The following PNPLA3 variants were observed in gnomAD, a reference collection of about 807,000 sequenced individuals.
PNPLA3 encodes the protein patatin like domain 3, 1-acylglycerol-3-phosphate O-acyltransferase, also known as 1-acylglycerol-3-phosphate O-acyltransferase PNPLA3.
A neutral mutation model predicts 43.1 loss-of-function variants in PNPLA3; 42 were observed. The observed-to-expected ratio is 0.97, with a 90% CI of 0.76 to 1.26. The LOEUF is 1.26. PNPLA3 is among the 50% of genes most tolerant of loss of function. The pLI is 0.00. For synonymous variants in PNPLA3, 272 were observed against 253.6 expected (o/e 1.07, Z -0.69); for missense variants, 647 against 621.4 (o/e 1.04, Z -0.44).
At chr22:43,929,636 G>T (rs12485100) in intron 3 of PNPLA3, among the ~76,000 whole-genome samples, 25,101 of 136,328 alleles carry the variant, frequency 0.18, 2,852 homozygotes, top group East Asian at 0.38. Context: ...TGGCTCTGTC[G>T]CCCAGGCTGG....
chr22:43,946,919 T>C lies in PNPLA3; in HGVS notation c.*537T>C. On this transcript the variant is annotated 3_prime_UTR_variant, in exon 9 of 9. Transcript: ENST00000216180. Reference sequence around the variant, plus strand: ...CGTCTCCATGGCGGGGGTAACAAGATGATAATCTACTTAATTTTAGAACAC... The same window carrying C: ...CGTCTCCATGGCGGGGGTAACAAGACGATAATCTACTTAATTTTAGAACAC... 1 of 326,360 alleles carries C rather than the reference T, an allele frequency of 3.1e-6. No homozygotes were observed. The highest frequency in any genetic ancestry group is 6.0e-6 in the Non-Finnish European group (1 of 166,014). 20.2% of individuals were successfully genotyped at this position (326,360 alleles called of 1,614,324 possible).
At chr22:43,927,652 CT>C (rs960713506) in intron 2 of PNPLA3, among the ~76,000 whole-genome samples, 1 of 24,958 alleles carries the variant, frequency 4.0e-5, no homozygotes, top group Non-Finnish European at 7.8e-5. Flanking sequence ...CTTTTTATCT[CT>C]TTTTTTTGGG....
chr22:43,938,543 G>A (rs981530433), intron 6 of PNPLA3, among the ~76,000 whole-genome samples: 4 of 152,296 alleles, frequency 2.6e-5, no homozygotes, highest in Admixed American at 1.3e-4. Flanking sequence ...AGGAGTGAGA[G>A]AGAGAGGGAA....
chr22:43,942,301 G>A lies in PNPLA3; in HGVS notation c.1112+2176G>A, dbSNP rs913552980. On this transcript the variant is annotated intron_variant, in intron 7 of 8. Coordinates refer to ENST00000216180, the MANE Select transcript of PNPLA3 (RefSeq NM_025225.3). ...CTTCATTTTTCTTGGCTTTTCCCTG[G>A]TTTTTCTGGAGCAGAGTCTCTAGTA... Among the ~76,000 whole-genome samples, 23 of 152,240 alleles carry A rather than the reference G, an allele frequency of 1.5e-4. 1 individual carries two copies. In the South Asian group the frequency reaches 1.7e-3, roughly 11 times the overall value.
chr22:43,941,641 T>A (rs1009670109), intron 7 of PNPLA3, among the ~76,000 whole-genome samples: 17 of 152,174 alleles, frequency 1.1e-4, no homozygotes, highest in South Asian at 6.2e-4. Flanking sequence ...AGATAAAAGG[T>A]ATGGGCATTA....
intron 3 of PNPLA3, among the ~76,000 whole-genome samples, chr22:43,929,677 A>T (rs1344739666): frequency 6.9e-6 from 1 of 145,872 alleles, no homozygotes; most frequent in Non-Finnish European, 1.5e-5. Flanking sequence ...GCTCACTGCA[A>T]CCTCCACCTC....
At position 43,933,051 on chromosome 22, in the gene PNPLA3, C is replaced by T. The variant is rs1569011845; in HGVS notation, c.660C>T (p.Tyr220=). Residue 220 remains tyrosine (Y), a synonymous_variant, in exon 4 of 9, where the codon TAC becomes TAT. Coordinates refer to ENST00000216180, the MANE Select transcript of PNPLA3 (RefSeq NM_025225.3). ...TACGCCTCTGCACAGGGAACCTCTA[C>T]CTTCTCTCGAGAGCTTTTGTCCCCC... is the stretch of plus-strand genomic sequence containing the variant. ...LSLRLCTGNL[Y]LLSRAFVPPD... 6.2e-7 allele frequency: 1 copy of T among 1,614,106 alleles called. No individual in the cohort carries two copies. Among genetic ancestry groups the T allele is most frequent in the Admixed American group, 1.7e-5 (1 of 60,012 alleles).
rs149225953 is a variant in PNPLA3, at chr22:43,932,808, G to T, written c.487-70G>T. On this transcript the variant is annotated intron_variant, in intron 3 of 8. Transcript: ENST00000216180. ...TGAGAAGCTCTGCCCACATGTGAAA[G>T]CTTGTTAAGCACTTAAGCACTAACC... is the stretch of plus-strand genomic sequence containing the variant. The T allele has an allele frequency of 6.2e-4, 885 of 1,417,964 alleles. 6 individuals carry two copies. The African/African-American group carries it at 0.011, about 18-fold the overall frequency. 87.8% of individuals were successfully genotyped at this position (1,417,964 alleles called of 1,614,324 possible). A position where few individuals can be genotyped will look rare whatever the true frequency, so the allele number is the denominator to read the frequency against.
intron 3 of PNPLA3, 116 bp from the exon 4 acceptor site, chr22:43,932,762 A>G (rs757926548): frequency 3.5e-6 from 3 of 865,536 alleles, no homozygotes; most frequent in Non-Finnish European, 3.8e-6. Context: ...TCCTCCCTCC[A>G]TATCAGCCTG....
chr22:43,945,151 C>G (rs1214462177), intron 8 of PNPLA3, among the ~76,000 whole-genome samples: 2 of 152,178 alleles, frequency 1.3e-5, no homozygotes, highest in African/African-American at 4.8e-5. Context: ...GCTGGCGTGT[C>G]TGAGCGAAGG....
Position 43,936,494 on chromosome 22 carries a change from G to A in PNPLA3, c.758-557G>A, listed in dbSNP as rs79114928. Among the ~76,000 whole-genome samples, 10 of 152,302 alleles carry A rather than the reference G, an allele frequency of 6.6e-5. No individual in the cohort carries two copies. The South Asian group carries it at 1.2e-3, about 19-fold the overall frequency. On this transcript the variant is annotated intron_variant, in intron 5 of 8. Transcript: ENST00000216180. ...GCTGAGTCCCAGCACCCAGGACAGG[G>A]CCTGGCACATACTGGTGCCCAATCC...
At chr22:43,942,701 C>CT (rs398037291) in intron 7 of PNPLA3, among the ~76,000 whole-genome samples, 2,908 of 113,618 alleles carry the variant, frequency 0.026, 73 homozygotes, top group East Asian at 0.041. Flanking sequence ...TTTCTTTTTT[C>CT]TTTTTTTTTT....
chr22:43,932,847 A>G (rs1454732773), intron 3 of PNPLA3, 31 bp from the exon 4 acceptor site: 1 of 1,600,686 alleles, frequency 6.2e-7, no homozygotes, highest in East Asian at 2.2e-5. Flanking sequence ...AGCTTCAGAC[A>G]GTGCCAGTCC....
chr22:43,927,660 T>TTGTGTGGG (rs2049933420), intron 2 of PNPLA3, among the ~76,000 whole-genome samples: 1 of 20,250 alleles, frequency 4.9e-5, no homozygotes, highest in African/African-American at 1.8e-4. Context: ...CTCTTTTTTT[T>TTGTGTGGG]GGGTGGGGGG....
chr22:43,928,484 C>T (rs1173659944), intron 2 of PNPLA3, among the ~76,000 whole-genome samples: 4 of 152,010 alleles, frequency 2.6e-5, no homozygotes, highest in East Asian at 1.9e-4. Flanking sequence ...TAATGAATAC[C>T]GGCATTTGAA....
intron 7 of PNPLA3, among the ~76,000 whole-genome samples, chr22:43,942,986 G>C (rs572022849): frequency 2.6e-5 from 4 of 152,018 alleles, no homozygotes; most frequent in Admixed American, 2.0e-4. Context: ...TCCTGTCTCC[G>C]TGTCTGACTT....
chr22:43,936,672 A>G (rs1489439073), intron 5 of PNPLA3, among the ~76,000 whole-genome samples: 1 of 152,180 alleles, frequency 6.6e-6, no homozygotes, highest in Non-Finnish European at 1.5e-5. Flanking sequence ...TCTCAGCTGA[A>G]AAATGGAGAT....
chr22:43,924,638 T>C (rs2049909657), intron 1 of PNPLA3, among the ~76,000 whole-genome samples: 1 of 151,742 alleles, frequency 6.6e-6, no homozygotes, highest in Admixed American at 6.6e-5. Flanking sequence ...CCTGCGCTTT[T>C]CTTTTCTTTT....
At chr22:43,932,133 T>A (rs931683297) in intron 3 of PNPLA3, among the ~76,000 whole-genome samples, 4 of 152,132 alleles carry the variant, frequency 2.6e-5, no homozygotes, top group African/African-American at 9.7e-5. Flanking sequence ...ATTGTTGACA[T>A]GAGTTTCACA....
Sources: gnomAD v4.1 joint callset for allele counts (sites outside exome capture counted in the v4.1 genomes callset) on GRCh38, gnomAD v4.1.1 for gene constraint, MANE v1.5 for transcripts, NCBI Gene and HGNC (gene_info 2026-07-23, HGNC 2026-07-21) for gene names.